DIAPH2: variants seen among roughly 807,000 people sequenced by gnomAD.
The protein encoded by DIAPH2 is protein diaphanous homolog 2.
Under a neutral mutation model 92.7 loss-of-function variants are expected in DIAPH2, and 35 were observed. The observed-to-expected ratio is 0.38, with a 90% CI of 0.29 to 0.50. The LOEUF (loss-of-function observed/expected upper bound fraction) is 0.50, where lower values mean the gene tolerates loss of function less well. Among genes scored for constraint, DIAPH2 ranks in the 20% least tolerant of loss-of-function variants. The probability of loss-of-function intolerance (pLI) is 0.94; values close to 1 mark genes in which losing one functional copy is unlikely to be tolerated. For synonymous variants in DIAPH2, 301 were observed against 280.4 expected, an observed-to-expected ratio of 1.07 and a Z score of -0.73; for missense variants, 701 against 819.5, an observed-to-expected ratio of 0.86 and a Z score of 1.77.
At chrX:96,933,305 A>G (rs1240881689) in intron 10 of DIAPH2, among the ~76,000 whole-genome samples, 2 of 91,875 alleles carry the variant, frequency 2.2e-5, no homozygotes, top group Non-Finnish European at 4.4e-5. Flanking sequence ...TCTCTTTTTC[A>G]TTTTCCTTTT....
At chrX:97,437,087 C>T (rs1194027505) in intron 26 of DIAPH2, among the ~76,000 whole-genome samples, 2 of 111,032 alleles carry the variant, frequency 1.8e-5, no homozygotes, top group African/African-American at 3.3e-5. Context: ...CCACGTAATA[C>T]TCAGCATCAT....
At chrX:97,507,623 CAAT>C (rs780341128) in intron 26 of DIAPH2, among the ~76,000 whole-genome samples, 36 of 111,963 alleles carry the variant, frequency 3.2e-4, no homozygotes, top group African/African-American at 1.0e-3. Context: ...ACAGTTAAAA[CAAT>C]GAGTTAGTTT....
At chrX:97,007,189 A>G (rs900151731) in intron 17 of DIAPH2, among the ~76,000 whole-genome samples, 6 of 111,428 alleles carry the variant, frequency 5.4e-5, no homozygotes, top group African/African-American at 1.6e-4. Context: ...TAGTGTTTCT[A>G]CTCAAGATAT....
chrX:97,523,218 T>C (rs2071002926), intron 26 of DIAPH2, among the ~76,000 whole-genome samples: 1 of 111,764 alleles, frequency 8.9e-6, no homozygotes, highest in Non-Finnish European at 1.9e-5. Flanking sequence ...TTTGTCCTTT[T>C]GCATCTCCAT....
intron 21 of DIAPH2, among the ~76,000 whole-genome samples, chrX:97,125,342 G>A (rs376991619): frequency 5.6e-5 from 6 of 107,128 alleles, no homozygotes; most frequent in East Asian, 2.9e-4. Context: ...GCGTGGTGGC[G>A]GGCACCTGTA....
At chrX:96,837,069 T>C (rs1006965174) in intron 4 of DIAPH2, among the ~76,000 whole-genome samples, 1 of 110,264 alleles carries the variant, frequency 9.1e-6, no homozygotes, top group Non-Finnish European at 1.9e-5. Context: ...CTAGCCAAAA[T>C]AGTGGTGAAG....
At chrX:96,860,284 A>C (rs1300706148) in intron 4 of DIAPH2, among the ~76,000 whole-genome samples, 1 of 112,239 alleles carries the variant, frequency 8.9e-6, no homozygotes, top group East Asian at 2.8e-4. Context: ...GTATCCATGC[A>C]CTGCATAGAA....
chrX:96,824,457 C>T lies in DIAPH2; in HGVS notation c.448-57122C>T, dbSNP rs145484153. Among the ~76,000 whole-genome samples the T allele has an allele frequency of 7.8e-3, 855 of 109,840 alleles. 7 individuals carry two copies. The highest frequency in any genetic ancestry group is 0.027 in the African/African-American group (820 of 30,211). ...CTTCGTATTACAAGTAGGAGTCCCACTGTCCAAGCTCATGACACTAAGCTC... is the reference window on the plus strand; with the variant it reads ...CTTCGTATTACAAGTAGGAGTCCCATTGTCCAAGCTCATGACACTAAGCTC... On this transcript the variant is annotated intron_variant, in intron 4 of 26. Transcript: ENST00000324765.
chrX:97,366,030 C>CTAAT (rs760949877), intron 24 of DIAPH2, among the ~76,000 whole-genome samples: 257 of 111,928 alleles, frequency 2.3e-3, no homozygotes, highest in Non-Finnish European at 2.3e-3. Context: ...TAATATTCAA[C>CTAAT]TAATTGGTGA....
chrX:97,115,644 C>T (rs2067011724), intron 21 of DIAPH2, among the ~76,000 whole-genome samples: 1 of 111,615 alleles, frequency 9.0e-6, no homozygotes, highest in Non-Finnish European at 1.9e-5. Context: ...AGATAAATAG[C>T]CAGAAATTTA....
chrX:96,897,390 T>G (rs2065352440), intron 5 of DIAPH2, among the ~76,000 whole-genome samples: 1 of 110,644 alleles, frequency 9.0e-6, no homozygotes, highest in Admixed American at 9.7e-5. Context: ...TGCAATGAAT[T>G]TATAGATAGC....
chrX:96,828,079 T>C (rs2064827080), intron 4 of DIAPH2, among the ~76,000 whole-genome samples: 1 of 111,794 alleles, frequency 8.9e-6, no homozygotes, highest in African/African-American at 3.3e-5. Context: ...CTCAAGTAAC[T>C]TTTAGTCTTG....
At chrX:97,022,509 T>G (rs1304658029) in intron 17 of DIAPH2, among the ~76,000 whole-genome samples, 1 of 112,184 alleles carries the variant, frequency 8.9e-6, no homozygotes, top group Non-Finnish European at 1.9e-5. Context: ...GTTATTTACA[T>G]TGTTAGCTTT....
chrX:97,324,493 G>T (rs972965189), intron 23 of DIAPH2, among the ~76,000 whole-genome samples: 3 of 112,131 alleles, frequency 2.7e-5, no homozygotes. Context: ...TTTGCAAAAA[G>T]AATTTTTGCT....
rs535062502 is a variant in DIAPH2, at chrX:97,514,036, C to A, written c.3241+84291C>A. Among the ~76,000 whole-genome samples, 11 of 107,186 alleles carry A rather than the reference C, an allele frequency of 1.0e-4. No homozygotes were observed. In the South Asian group the frequency reaches 3.6e-3, roughly 35 times the overall value. The allele number at this position is 107,186 out of a possible 115,157, so 93.1% of individuals were successfully genotyped here. A position where few individuals can be genotyped will look rare whatever the true frequency, so the allele number is the denominator to read the frequency against. On this transcript the variant is annotated intron_variant, in intron 26 of 26. Coordinates refer to ENST00000324765, the MANE Select transcript of DIAPH2 (RefSeq NM_006729.5). ...AATCTTTGTGGCGTTCTCTGTATTTCCTGAATCTGAACGTTGGCCTGCCTT... is the reference window on the plus strand; with the variant it reads ...AATCTTTGTGGCGTTCTCTGTATTTACTGAATCTGAACGTTGGCCTGCCTT...
In DIAPH2 at chrX:97,325,799, G is replaced by A. The variant is rs776353318; in HGVS notation, c.2845-22317G>A. ...TCACTGTGTTCGCCAGGATGGTCTC[G>A]ATCTCCTGACCTCGTGATTCACCTG... is the stretch of plus-strand genomic sequence containing the variant. On this transcript the variant is annotated intron_variant, in intron 23 of 26. Transcript: ENST00000324765. 5.4e-5 allele frequency among the ~76,000 whole-genome samples: 6 copies of A among 111,254 alleles called. No homozygotes were observed. In the South Asian group the frequency reaches 1.5e-3, roughly 28 times the overall value.
At chrX:97,137,646 G>T (rs936420009) in intron 21 of DIAPH2, among the ~76,000 whole-genome samples, 4 of 110,424 alleles carry the variant, frequency 3.6e-5, no homozygotes, top group African/African-American at 1.3e-4. Flanking sequence ...AAAAGGAAGG[G>T]CGTCCACACA....
intron 22 of DIAPH2, among the ~76,000 whole-genome samples, chrX:97,196,476 A>T (rs918653382): frequency 1.8e-5 from 2 of 112,082 alleles, no homozygotes; most frequent in Non-Finnish European, 3.8e-5. Context: ...AAAATCCACA[A>T]AACTAATAAC....
chrX:97,179,071 G>A (rs1474056871), intron 22 of DIAPH2, among the ~76,000 whole-genome samples: 1 of 111,078 alleles, frequency 9.0e-6, no homozygotes, highest in Non-Finnish European at 1.9e-5. Flanking sequence ...TACTGTATTA[G>A]CAGCACAAAA....
Sources: allele counts gnomAD v4.1 joint callset (sites outside exome capture counted in the v4.1 genomes callset), GRCh38; gene constraint gnomAD v4.1.1; transcripts MANE v1.5; gene names NCBI Gene and HGNC (gene_info 2026-07-23, HGNC 2026-07-21).